The following ANKRD36 variants were observed in gnomAD, a reference collection of about 807,000 sequenced individuals.
ANKRD36 encodes ankyrin repeat domain-containing protein 36A.
In ANKRD36, 179 loss-of-function variants were observed where a neutral mutation model predicts 278.1. The ratio of observed to expected loss-of-function variants is 0.64; its 90% CI spans 0.57 to 0.73. The LOEUF (loss-of-function observed/expected upper bound fraction) is 0.73, where lower values mean the gene tolerates loss of function less well. ANKRD36 is among the 30% of genes least tolerant of loss of function. The pLI is 0.00. For missense variants in ANKRD36, 1,159 were observed against 1,956.7 expected, an observed-to-expected ratio of 0.59 and a Z score of 7.69; for synonymous variants, 320 against 641.1, an observed-to-expected ratio of 0.50 and a Z score of 7.57.
intron 67 of ANKRD36, among the ~76,000 whole-genome samples, chr2:97,227,750 C>T (rs1458140822): frequency 2.6e-5 from 4 of 152,118 alleles, no homozygotes; most frequent in African/African-American, 9.6e-5. Context: ...TTTGCCCATT[C>T]AGTATGATAT....
chr2:97,174,039 C>T (rs1440690467), intron 22 of ANKRD36, among the ~76,000 whole-genome samples: 1 of 150,644 alleles, frequency 6.6e-6, no homozygotes, highest in Admixed American at 6.7e-5. Flanking sequence ...ACAATCATGA[C>T]ATATGTATAT....
At chr2:97,209,546 G>A in intron 54 of ANKRD36, 135 bp from the exon 55 acceptor site, 2 of 1,541,808 alleles carry the variant, frequency 1.3e-6, no homozygotes, top group East Asian at 2.4e-5. Context: ...CTGATCCCCA[G>A]ACACAAAGTA....
intron 36 of ANKRD36, among the ~76,000 whole-genome samples, chr2:97,192,242 A>T (rs1322956225): frequency 1.3e-5 from 2 of 151,800 alleles, no homozygotes; most frequent in African/African-American, 4.8e-5. Flanking sequence ...ACTAGTGGAT[A>T]CAAGAAACTT....
In ANKRD36 at chr2:97,154,745, G is replaced by T; in HGVS notation, c.1260+4G>T. Reference sequence around the variant, plus strand: ...TAAGTTTGCTTTGGAATCTGAGGTAGAGTACTCTCTTGTGAAATTAATTTT... The same window carrying T: ...TAAGTTTGCTTTGGAATCTGAGGTATAGTACTCTCTTGTGAAATTAATTTT... On this transcript the variant is annotated splice_donor_region_variant and intron_variant, in intron 15 of 75. Transcript: ENST00000420699. 6.8e-7 allele frequency: 1 copy of T among 1,481,436 alleles called. No homozygotes were observed. The highest frequency in any genetic ancestry group is 9.1e-7 in the Non-Finnish European group (1 of 1,101,638). The allele number at this position is 1,481,436 out of a possible 1,614,324, so 91.8% of individuals were successfully genotyped here. A position where few individuals can be genotyped will look rare whatever the true frequency, so the allele number is the denominator to read the frequency against.
rs1373055406 is a variant in ANKRD36 at position 97,113,590 on chromosome 2, T to C, written c.-150T>C. ...GTGCTCGCTGGTTCTAACCCTTCTG[T>C]TGGGCGTTTCTGCTGAGAGGCGGGA... On this transcript the variant is annotated 5_prime_UTR_variant, in exon 1 of 76. Transcript: ENST00000420699. The C allele has an allele frequency of 1.2e-5, 12 of 962,538 alleles. No individual in the cohort carries two copies. In the Admixed American group the frequency reaches 1.9e-4, roughly 15 times the overall value. The allele number at this position is 962,538 out of a possible 1,614,324, so 59.6% of individuals were successfully genotyped here.
intron 66 of ANKRD36, among the ~76,000 whole-genome samples, chr2:97,221,221 A>G (rs2067561131): frequency 1.6e-5 from 2 of 124,222 alleles, no homozygotes; most frequent in African/African-American, 8.0e-5. Context: ...TATTGTGAAT[A>G]GTGCCGCAAT....
rs1019568893 is a variant in ANKRD36 at position 97,196,734 on chromosome 2, G to T, written c.2599G>T (p.Asp867Tyr). 1.3e-5 allele frequency: 21 copies of T among 1,558,570 alleles called. No homozygotes were observed. The highest frequency in any genetic ancestry group is 1.1e-4 in the African/African-American group (8 of 73,156). Residue 867 changes from aspartate (D) to tyrosine (Y), a missense_variant, in exon 42 of 76, where the codon GAT becomes TAT. Coordinates refer to ENST00000420699, the MANE Select transcript of ANKRD36 (RefSeq NM_001354587.1). ...PTLKGTSDEE[D>Y]SVLGIARENK... ...CATTCAGGGTACAAGTGACGAGGAA[G>T]ATTCTGTTTTGGGTATAGCCAGAGA...
intron 6 of ANKRD36, among the ~76,000 whole-genome samples, chr2:97,128,972 T>C (rs1318210180): frequency 1.2e-4 from 18 of 152,118 alleles, no homozygotes; most frequent in Admixed American, 2.0e-4. Context: ...TTATAATCCT[T>C]TGGGTATATA....
At chr2:97,219,948 G>T (rs2066950338) in intron 66 of ANKRD36, among the ~76,000 whole-genome samples, 1 of 146,702 alleles carries the variant, frequency 6.8e-6, no homozygotes, top group African/African-American at 2.6e-5. Context: ...TTTAGCTAAT[G>T]AAATGTTTTA....
At chr2:97,148,495 G>C (rs562954992) in intron 11 of ANKRD36, among the ~76,000 whole-genome samples, 1 of 152,216 alleles carries the variant, frequency 6.6e-6, no homozygotes, top group African/African-American at 2.4e-5. Context: ...AAGTACTTAG[G>C]AGGGAGACTT....
At position 97,123,158 on chromosome 2, in the gene ANKRD36, A is replaced by T. The variant is rs541153513; in HGVS notation, c.593+165A>T. On this transcript the variant is annotated intron_variant, in intron 4 of 75. Coordinates refer to ENST00000420699, the MANE Select transcript of ANKRD36 (RefSeq NM_001354587.1). The stretch of plus-strand genomic sequence containing the variant: ...TCATCACTTAGGTAGGAAAACAATT[A>T]TTTGGACTGAGTAACATAAAGAACA... Among the ~76,000 whole-genome samples, 97 of 152,112 alleles carry T rather than the reference A, an allele frequency of 6.4e-4. 4 individuals carry two copies. In the South Asian group the frequency reaches 0.018, roughly 28 times the overall value.
chr2:97,176,585 C>T (rs2054326414), intron 22 of ANKRD36, among the ~76,000 whole-genome samples: 1 of 148,150 alleles, frequency 6.7e-6, no homozygotes, highest in South Asian at 2.1e-4. Context: ...ATCCAATTTG[C>T]CAGTCTGTGT....
intron 8 of ANKRD36, 142 bp downstream of exon 8, chr2:97,142,977 G>T: frequency 5.1e-6 from 5 of 981,844 alleles, no homozygotes; most frequent in Non-Finnish European, 7.3e-6. Context: ...ATAAGTTCTC[G>T]GGTGACGCCG....
chr2:97,200,382 T>G lies in ANKRD36; in HGVS notation c.2784+20T>G, dbSNP rs746650609. 1 of 1,604,936 alleles carries G rather than the reference T, an allele frequency of 6.2e-7. No homozygotes were observed. Among genetic ancestry groups the G allele is most frequent in the South Asian group, 1.1e-5 (1 of 90,666 alleles). On this transcript the variant is annotated intron_variant, in intron 45 of 75. Transcript: ENST00000420699. The stretch of plus-strand genomic sequence containing the variant: ...TTGGAGGTAATGAAACTCTCATTCA[T>G]ATTGTGAGCTAGTAAACGTATAGCC...
At chr2:97,217,003 T>C (rs1466515783) in intron 62 of ANKRD36, 174 bp from the exon 63 acceptor site, 1 of 1,338,220 alleles carries the variant, frequency 7.5e-7, no homozygotes, top group African/African-American at 1.5e-5. Flanking sequence ...AAGGCTGTAT[T>C]ACTTTATTCA....
chr2:97,114,051 G>T (rs2034405109), intron 1 of ANKRD36, 115 bp downstream of exon 1: 1 of 1,500,032 alleles, frequency 6.7e-7, no homozygotes, highest in African/African-American at 1.4e-5. Context: ...TTTGGACGGG[G>T]GCTAGGGGGT....
chr2:97,171,815 T>C (rs2052638942), intron 22 of ANKRD36, among the ~76,000 whole-genome samples: 1 of 151,354 alleles, frequency 6.6e-6, no homozygotes, highest in Non-Finnish European at 1.5e-5. Flanking sequence ...ATAATAACCC[T>C]AGAAGAAAAT....
chr2:97,189,350 C>T, intron 34 of ANKRD36, 60 bp downstream of exon 34: 3 of 683,912 alleles, frequency 4.4e-6, no homozygotes, highest in African/African-American at 3.0e-5. Flanking sequence ...AACTTCTCTA[C>T]CCCGAATAAA....
At chr2:97,165,867 G>A (rs943166021) in intron 20 of ANKRD36, among the ~76,000 whole-genome samples, 14 of 152,320 alleles carry the variant, frequency 9.2e-5, no homozygotes, top group African/African-American at 3.1e-4. Flanking sequence ...TAAGGATCTA[G>A]CCTTGTCTTA....
Sources: gnomAD v4.1 joint callset for allele counts (sites outside exome capture counted in the v4.1 genomes callset) on GRCh38, gnomAD v4.1.1 for gene constraint, MANE v1.5 for transcripts, NCBI Gene and HGNC (gene_info 2026-07-23, HGNC 2026-07-21) for gene names.